LRRIQ1: variants seen among roughly 807,000 people sequenced by gnomAD.
LRRIQ1 encodes the protein leucine rich repeats and IQ motif containing 1.
Under a neutral mutation model 211.9 loss-of-function variants are expected in LRRIQ1, and 210 were observed. That is an observed-to-expected ratio of 0.99 (90% CI 0.89 to 1.11). The LOEUF is 1.11. Among genes scored for constraint, LRRIQ1 ranks in the 50% most tolerant of loss-of-function variants. The pLI, the probability that LRRIQ1 is intolerant of heterozygous loss-of-function variation, is 0.00. For synonymous variants in LRRIQ1, 699 were observed against 650.1 expected, an observed-to-expected ratio of 1.08 and a Z score of -1.14; for missense variants, 2,136 against 1,939.5, an observed-to-expected ratio of 1.10 and a Z score of -1.90.
chr12:85,109,101 G>T (rs756912459), intron 15 of LRRIQ1, among the ~76,000 whole-genome samples: 7 of 152,146 alleles, frequency 4.6e-5, no homozygotes, highest in Non-Finnish European at 1.0e-4. Flanking sequence ...TTTCAGAGGA[G>T]TATAAGATAT....
At chr12:85,078,140 T>C (rs976735251) in intron 11 of LRRIQ1, among the ~76,000 whole-genome samples, 2 of 152,156 alleles carry the variant, frequency 1.3e-5, no homozygotes, top group African/African-American at 2.4e-5. Context: ...TGTATATTAA[T>C]ATTGTTTCTC....
chr12:85,208,347 G>A (rs189228035), intron 24 of LRRIQ1, among the ~76,000 whole-genome samples: 1 of 152,036 alleles, frequency 6.6e-6, no homozygotes, highest in African/African-American at 2.4e-5. Flanking sequence ...CTGCCAAAAA[G>A]CACTTAAAAA....
chr12:85,107,771 G>C (rs1416312610), intron 15 of LRRIQ1, among the ~76,000 whole-genome samples: 4 of 151,596 alleles, frequency 2.6e-5, no homozygotes, highest in Non-Finnish European at 5.9e-5. Context: ...CTATTGCTTT[G>C]TCTTCAAATT....
the LRRIQ1 span, among the ~76,000 whole-genome samples, chr12:85,271,397 A>T: frequency 6.6e-6 from 1 of 152,170 alleles, no homozygotes. Flanking sequence ...ACTGGGGCAA[A>T]ACTGAACAAA....
intron 24 of LRRIQ1, among the ~76,000 whole-genome samples, chr12:85,200,632 C>G (rs1893241660): frequency 6.6e-6 from 1 of 151,910 alleles, no homozygotes; most frequent in Non-Finnish European, 1.5e-5. Context: ...AAACATGTTC[C>G]TTCAATGCCT....
At chr12:85,112,096 G>T (rs1370787883) in intron 15 of LRRIQ1, among the ~76,000 whole-genome samples, 3 of 151,844 alleles carry the variant, frequency 2.0e-5, no homozygotes, top group African/African-American at 7.3e-5. Context: ...TCTAAAAAAT[G>T]ATTTCTAAAA....
At chr12:85,087,766 C>T (rs1189516946) in intron 11 of LRRIQ1, among the ~76,000 whole-genome samples, 18 of 152,074 alleles carry the variant, frequency 1.2e-4, no homozygotes, top group Admixed American at 1.2e-3. Flanking sequence ...CTGTTCATAT[C>T]CTTTGTCCAC....
rs1424734842 is a variant in LRRIQ1 at position 85,068,308 on chromosome 12, G to C, written c.2695+1410G>C. On this transcript the variant is annotated intron_variant, in intron 10 of 26. Coordinates refer to ENST00000393217, the MANE Select transcript of LRRIQ1 (RefSeq NM_001079910.2). ...CAGAGTAGAAAGGGTGTAGATAGAG[G>C]AATAGAAATAAGCTTAATTTCTGTG... Among the ~76,000 whole-genome samples, 4 of 151,504 alleles carry C rather than the reference G, an allele frequency of 2.6e-5. 1 individual carries two copies. In the South Asian group the frequency reaches 8.3e-4, roughly 32 times the overall value.
Position 85,072,897 on chromosome 12 carries a change from T to C in LRRIQ1, c.2696-10T>C. The C allele has an allele frequency of 1.3e-6, 2 of 1,597,140 alleles. No homozygotes were observed. The highest frequency in any genetic ancestry group is 1.7e-6 in the Non-Finnish European group (2 of 1,171,372). On this transcript the variant is annotated splice_polypyrimidine_tract_variant and intron_variant, in intron 10 of 26. Coordinates refer to ENST00000393217, the MANE Select transcript of LRRIQ1 (RefSeq NM_001079910.2). ...TATATATTTGGTCTTAATTCTGTCA[T>C]CCTACTCAGGATATTCCTTCTTTCT...
intron 1 of LRRIQ1, among the ~76,000 whole-genome samples, chr12:85,259,212 G>T (rs183725544): frequency 6.6e-6 from 1 of 152,074 alleles, no homozygotes; most frequent in African/African-American, 2.4e-5. Flanking sequence ...TGCAGAAAAG[G>T]GAAAACAATT....
chr12:85,178,809 A>C (rs1179744735), intron 24 of LRRIQ1, among the ~76,000 whole-genome samples: 2 of 151,876 alleles, frequency 1.3e-5, no homozygotes, highest in African/African-American at 4.8e-5. Context: ...ATATTTACTT[A>C]CTGATACAGC....
intron 8 of LRRIQ1, among the ~76,000 whole-genome samples, chr12:85,059,792 C>T (rs1378350583): frequency 6.6e-6 from 1 of 151,706 alleles, no homozygotes; most frequent in Non-Finnish European, 1.5e-5. Context: ...CACGTGTATA[C>T]CTATATAACA....
chr12:85,248,402 A>G (rs1895797539), downstream of LRRIQ1, among the ~76,000 whole-genome samples: 2 of 151,702 alleles, frequency 1.3e-5, no homozygotes, highest in Admixed American at 1.3e-4. Flanking sequence ...ATAGTAGAAG[A>G]AAAATTATTA....
intron 18 of LRRIQ1, among the ~76,000 whole-genome samples, chr12:85,128,971 C>A (rs1460870546): frequency 2.0e-5 from 3 of 152,144 alleles, no homozygotes; most frequent in Non-Finnish European, 4.4e-5. Context: ...GGCTTGGGTC[C>A]TCTTCCAATC....
intron 26 of LRRIQ1, among the ~76,000 whole-genome samples, chr12:85,241,497 G>A (rs576900249): frequency 6.6e-6 from 1 of 151,846 alleles, no homozygotes; most frequent in Non-Finnish European, 1.5e-5. Context: ...TATATTTATA[G>A]TATATATTGT....
chr12:85,175,365 G>C (rs1891640899), intron 24 of LRRIQ1, among the ~76,000 whole-genome samples: 3 of 152,110 alleles, frequency 2.0e-5, no homozygotes, highest in African/African-American at 7.2e-5. Context: ...GGGAGAAAAA[G>C]AGTATATTTG....
At chr12:85,069,564 A>G (rs1171574195) in intron 10 of LRRIQ1, among the ~76,000 whole-genome samples, 2 of 152,014 alleles carry the variant, frequency 1.3e-5, no homozygotes, top group Admixed American at 6.6e-5. Flanking sequence ...CCAACAGTGT[A>G]AAAGTGTTCC....
intron 18 of LRRIQ1, among the ~76,000 whole-genome samples, chr12:85,129,899 C>A (rs531464406): frequency 5.7e-4 from 87 of 152,218 alleles, no homozygotes; most frequent in Non-Finnish European, 1.0e-3. Context: ...GTAAACCAGG[C>A]AAGAGATAAC....
downstream of LRRIQ1, among the ~76,000 whole-genome samples, chr12:85,265,997 G>A (rs192554150): frequency 0.013 from 2,033 of 152,012 alleles, 43 homozygotes; most frequent in African/African-American, 0.045. Context: ...GCTAAACATA[G>A]TGAATATTAT....
Sources: allele counts gnomAD v4.1 joint callset (sites outside exome capture counted in the v4.1 genomes callset), GRCh38; gene constraint gnomAD v4.1.1; transcripts MANE v1.5; gene names NCBI Gene and HGNC (gene_info 2026-07-23, HGNC 2026-07-21).